IL1R1: variants seen among roughly 807,000 people sequenced by gnomAD.
The protein encoded by IL1R1 is interleukin-1 receptor type 1.
IL1R1 carries 22 observed loss-of-function variants against 50.2 expected under a neutral mutation model. That is an observed-to-expected ratio of 0.44 (90% CI 0.31 to 0.63). The LOEUF (loss-of-function observed/expected upper bound fraction) is 0.63. Among genes scored for constraint, IL1R1 ranks in the 20% least tolerant of loss-of-function variants. The pLI is 0.07. For missense variants in IL1R1, 509 were observed against 676.2 expected (o/e 0.75, Z 2.74); for synonymous variants, 251 against 236.7 (o/e 1.06, Z -0.55).
In IL1R1 at chr2:102,171,937, A is replaced by G. The variant is rs770137689; in HGVS notation, c.839+19A>G. 2 of 1,309,340 alleles carry G rather than the reference A, an allele frequency of 1.5e-6. No individual in the cohort carries two copies. The highest frequency in any genetic ancestry group is 1.9e-5 in the Admixed American group (1 of 51,778). 81.1% of individuals were successfully genotyped at this position (1,309,340 alleles called of 1,614,324 possible). A position where few individuals can be genotyped will look rare whatever the true frequency, so the allele number is the denominator to read the frequency against. ...ATTACAGGTATGTATGCTAAGAGTT[A>G]TTCACATTTTGGTGTTAAATCCCAC... On this transcript the variant is annotated intron_variant, in intron 8 of 11. Coordinates refer to ENST00000410023, the MANE Select transcript of IL1R1 (RefSeq NM_000877.4).
At chr2:102,153,650 G>C (rs1347835454) in intron 1 of IL1R1, among the ~76,000 whole-genome samples, 1 of 152,118 alleles carries the variant, frequency 6.6e-6, no homozygotes, top group Non-Finnish European at 1.5e-5. Context: ...ATTCTCATGA[G>C]ATCTGATGGT....
At chr2:102,077,395 T>C (rs1375771064) in intron 1 of IL1R1, among the ~76,000 whole-genome samples, 1 of 152,214 alleles carries the variant, frequency 6.6e-6, no homozygotes, top group Non-Finnish European at 1.5e-5. Context: ...TTTTCTTTTG[T>C]AATGTGAATT....
At chr2:102,111,635 T>A (rs1175907909) in intron 1 of IL1R1, among the ~76,000 whole-genome samples, 1 of 152,026 alleles carries the variant, frequency 6.6e-6, no homozygotes. Context: ...CAGCTTACAG[T>A]CCATCTGCGA....
At chr2:102,082,712 T>A (rs1260485577) in intron 1 of IL1R1, among the ~76,000 whole-genome samples, 2 of 152,206 alleles carry the variant, frequency 1.3e-5, no homozygotes, top group African/African-American at 4.8e-5. Flanking sequence ...TTTAAATATT[T>A]CAAGCGAGCA....
intron 1 of IL1R1, among the ~76,000 whole-genome samples, chr2:102,109,392 A>G (rs1281836759): frequency 6.7e-6 from 1 of 149,306 alleles, no homozygotes; most frequent in Non-Finnish European, 1.5e-5. Flanking sequence ...GGTCCAGACA[A>G]GCTGAGACCC....
At chr2:102,117,017 A>T (rs1278468239) in intron 1 of IL1R1, among the ~76,000 whole-genome samples, 2 of 152,210 alleles carry the variant, frequency 1.3e-5, no homozygotes, top group African/African-American at 4.8e-5. Context: ...GTAACACTTA[A>T]TGACATGAAT....
chr2:102,115,347 G>T (rs1681010397), intron 1 of IL1R1, among the ~76,000 whole-genome samples: 3 of 152,182 alleles, frequency 2.0e-5, no homozygotes, highest in African/African-American at 7.2e-5. Flanking sequence ...AGAAAACTTT[G>T]TTACTGGAAG....
At position 102,085,018 on chromosome 2, in the gene IL1R1, A is replaced by G. The variant is rs536134302; in HGVS notation, c.-84+14485A>G. Among the ~76,000 whole-genome samples the G allele has an allele frequency of 2.8e-3, 421 of 152,312 alleles. 3 individuals are homozygous for G. The highest frequency in any genetic ancestry group is 4.3e-3 in the Non-Finnish European group (293 of 68,002). On this transcript the variant is annotated intron_variant, in intron 1 of 11. Coordinates refer to the IL1R1 transcript ENST00000409929. ...CACTTTTTCAAATTATTTTTTGGCCATTTAAATATTTTCTTTTGTTAAGGA... is the reference window on the plus strand; with the variant it reads ...CACTTTTTCAAATTATTTTTTGGCCGTTTAAATATTTTCTTTTGTTAAGGA...
chr2:102,139,973 C>T (rs1682553677), upstream of IL1R1, among the ~76,000 whole-genome samples: 1 of 152,176 alleles, frequency 6.6e-6, no homozygotes, highest in South Asian at 2.1e-4. Flanking sequence ...CTCTGAGTCA[C>T]TCCTCAGAAA....
chr2:102,139,179 A>C (rs1682505338), upstream of IL1R1, among the ~76,000 whole-genome samples: 1 of 152,198 alleles, frequency 6.6e-6, no homozygotes, highest in Non-Finnish European at 1.5e-5. Context: ...TGAAAACTTC[A>C]GCTAGGACCA....
At chr2:102,079,053 A>C (rs1388234369) in intron 1 of IL1R1, among the ~76,000 whole-genome samples, 1 of 152,032 alleles carries the variant, frequency 6.6e-6, no homozygotes, top group African/African-American at 2.4e-5. Context: ...TCAAGATTAA[A>C]AACAACAACA....
chr2:102,116,699 T>C (rs780303070), intron 1 of IL1R1, among the ~76,000 whole-genome samples: 1 of 152,200 alleles, frequency 6.6e-6, no homozygotes, highest in Non-Finnish European at 1.5e-5. Flanking sequence ...CAAACAACCA[T>C]AACAACAAAA....
Position 102,174,678 on chromosome 2 carries a change from T to C in IL1R1, c.1083T>C (p.Ile361=), listed in dbSNP as rs1375639827. The change falls in exon 10 of 12, where the codon ATT becomes ATC. Residue 361 remains isoleucine (I), a synonymous_variant. Transcript: ENST00000410023. ...TTTTCATCTATAAAATCTTCAAGATTGACATTGTGCTTTGGTACAGGGATT... is the reference window on the plus strand; with the variant it reads ...TTTTCATCTATAAAATCTTCAAGATCGACATTGTGCTTTGGTACAGGGATT... ...CSVFIYKIFK[I]DIVLWYRDSC... is the part of the protein sequence containing the mutation. The C allele has an allele frequency of 1.2e-6, 2 of 1,612,680 alleles. No individual in the cohort carries two copies. The highest frequency in any genetic ancestry group is 8.5e-7 in the Non-Finnish European group (1 of 1,179,360).
intron 1 of IL1R1, among the ~76,000 whole-genome samples, chr2:102,090,166 T>C (rs1261664717): frequency 6.6e-6 from 1 of 151,034 alleles, no homozygotes; most frequent in Non-Finnish European, 1.5e-5. Flanking sequence ...TTTTTTTTTT[T>C]GTAATTTGGC....
intron 9 of IL1R1, among the ~76,000 whole-genome samples, chr2:102,173,076 G>A (rs1685827801): frequency 6.6e-6 from 1 of 152,160 alleles, no homozygotes; most frequent in Non-Finnish European, 1.5e-5. Flanking sequence ...GCCTCTGTAT[G>A]TACTTCTGTA....
chr2:102,118,533 T>C (rs1454438115), intron 1 of IL1R1, among the ~76,000 whole-genome samples: 1 of 152,140 alleles, frequency 6.6e-6, no homozygotes, highest in Non-Finnish European at 1.5e-5. Flanking sequence ...GGCACTTGTA[T>C]TTGGTATCTG....
intron 1 of IL1R1, among the ~76,000 whole-genome samples, chr2:102,119,017 C>CAAAAAAAA (rs56327525): frequency 1.1e-4 from 8 of 74,494 alleles, no homozygotes; most frequent in African/African-American, 2.2e-4. Context: ...GACTGTGTCT[C>CAAAAAAAA]AAAAAAAAAA....
At chr2:102,136,857 T>C (rs1682372010) in intron 1 of IL1R1, among the ~76,000 whole-genome samples, 1 of 152,194 alleles carries the variant, frequency 6.6e-6, no homozygotes, top group Non-Finnish European at 1.5e-5. Flanking sequence ...CCTTTGCTGA[T>C]AGTGGCCTGC....
At chr2:102,153,736 A>G (rs1409108831) in intron 1 of IL1R1, among the ~76,000 whole-genome samples, 3 of 152,152 alleles carry the variant, frequency 2.0e-5, no homozygotes, top group Non-Finnish European at 4.4e-5. Context: ...CACTTCCACC[A>G]TGATTGTAAG....
Sources: gnomAD v4.1 joint callset for allele counts (sites outside exome capture counted in the v4.1 genomes callset) on GRCh38, gnomAD v4.1.1 for gene constraint, MANE v1.5 for transcripts, NCBI Gene and HGNC (gene_info 2026-07-23, HGNC 2026-07-21) for gene names.